The following FOXK1 variants were observed in gnomAD, a reference collection of about 807,000 sequenced individuals.
FOXK1 encodes the protein forkhead box protein K1.
A neutral mutation model predicts 51.9 loss-of-function variants in FOXK1; 19 were observed. That is an observed-to-expected ratio of 0.37 (90% CI 0.26 to 0.54). The LOEUF (loss-of-function observed/expected upper bound fraction) is 0.54, where lower values mean the gene tolerates loss of function less well. FOXK1 is among the 20% of genes least tolerant of loss of function. The pLI is 0.87. For synonymous variants in FOXK1, 537 were observed against 482.6 expected, an observed-to-expected ratio of 1.11 and a Z score of -1.48; for missense variants, 870 against 1,032.7, an observed-to-expected ratio of 0.84 and a Z score of 2.16.
chr7:4,759,557 C>T lies in FOXK1; in HGVS notation c.1658C>T (p.Ala553Val), dbSNP rs374908293. The T allele has an allele frequency of 1.1e-5, 17 of 1,540,730 alleles. No individual in the cohort carries two copies. Among genetic ancestry groups the T allele is most frequent in the East Asian group, 2.4e-5 (1 of 41,314 alleles). ...GCGGCGGGGGGCTCCCATGATGCGGCGGGCGCAGCCGTGCTGGACCTGGGC... is the reference window on the plus strand; with the variant it reads ...GCGGCGGGGGGCTCCCATGATGCGGTGGGCGCAGCCGTGCTGGACCTGGGC... ...QGAAGGSHDA[A>V]GAAVLDLGSE... Residue 553 changes from alanine (A) to valine (V), a missense_variant, in exon 7 of 9, where the codon GCG becomes GTG. Coordinates refer to ENST00000328914, the MANE Select transcript of FOXK1 (RefSeq NM_001037165.2).
In FOXK1 at chr7:4,747,411, G is replaced by T. The variant is rs1166292954; in HGVS notation, c.746+6388G>T. On this transcript the variant is annotated intron_variant, in intron 2 of 8. Transcript: ENST00000328914. This position sits in a 1 kb window ranked among gnomAD's most constrained non-coding sequence, Gnocchi z 9.2. ...TATGCCTAACATGAGAGCAGCTCCT[G>T]TTGAAGCCACCATGCTGGTTATTCT... 6.6e-6 allele frequency among the ~76,000 whole-genome samples: 1 copy of T among 152,224 alleles called. No individual in the cohort carries two copies. Among genetic ancestry groups the T allele is most frequent in the African/African-American group, 2.4e-5 (1 of 41,468 alleles).
intron 1 of FOXK1, among the ~76,000 whole-genome samples, chr7:4,739,051 CA>C (rs1780595114): frequency 6.6e-6 from 1 of 152,206 alleles, no homozygotes; most frequent in Non-Finnish European, 1.5e-5. Context: ...TGACGAAGAG[CA>C]AAGGGACTTT....
chr7:4,703,737 G>T lies in FOXK1; in HGVS notation c.560+20869G>T, dbSNP rs1583186085. Among the ~76,000 whole-genome samples, 3 of 152,314 alleles carry T rather than the reference G, an allele frequency of 2.0e-5. No individual in the cohort carries two copies. The highest frequency in any genetic ancestry group is 7.2e-5 in the African/African-American group (3 of 41,580). ...GCTCGGGCGACCAGGAGGCCCTTCA[G>T]TGCTCCGGAGGCACTTTCAGAGCAT... On this transcript the variant is annotated intron_variant, in intron 1 of 8. Coordinates refer to ENST00000328914, the MANE Select transcript of FOXK1 (RefSeq NM_001037165.2). This position sits in a 1 kb window ranked among gnomAD's most constrained non-coding sequence, Gnocchi z 5.6.
At chr7:4,744,939 T>C (rs1041192361) in intron 2 of FOXK1, among the ~76,000 whole-genome samples, 1 of 152,270 alleles carries the variant, frequency 6.6e-6, no homozygotes, top group Non-Finnish European at 1.5e-5. Context: ...TACATCCGTT[T>C]ATCTTAGCAC....
rs1381422588 is a variant in FOXK1, at chr7:4,758,285, C to G, written c.1245-766C>G. 1 of 152,282 alleles carries G rather than the reference C, an allele frequency of 6.6e-6. No homozygotes were observed. Among genetic ancestry groups the G allele is most frequent in the Non-Finnish European group, 1.5e-5 (1 of 68,084 alleles). 9.4% of individuals were successfully genotyped at this position (152,282 alleles called of 1,614,324 possible). A position where few individuals can be genotyped will look rare whatever the true frequency, so the allele number is the denominator to read the frequency against. On this transcript the variant is annotated intron_variant, in intron 5 of 8. Transcript: ENST00000328914. The surrounding 1 kb of genome is among the most constrained non-coding windows in gnomAD (Gnocchi z 4.4). ...TGCTGCCCACCTGCTGCGTCAGGGC[C>G]TCCCCTGCCCAGCTCAGTCTTGGCC...
rs148468825 is a variant in FOXK1 at position 4,728,887 on chromosome 7, G to A, written c.561-11951G>A. Among the ~76,000 whole-genome samples the A allele has an allele frequency of 3.7e-3, 562 of 152,302 alleles. 3 individuals carry two copies. Among genetic ancestry groups the A allele is most frequent in the African/African-American group, 0.013 (527 of 41,572 alleles). On this transcript the variant is annotated intron_variant, in intron 1 of 8. Transcript: ENST00000328914. Reference sequence around the variant, plus strand: ...GCAAAGTCTATGCAGATAAACCAGCGTCTGGTACTTGGTATCAGTCAGGTG... The same window carrying A: ...GCAAAGTCTATGCAGATAAACCAGCATCTGGTACTTGGTATCAGTCAGGTG...
chr7:4,724,776 C>T (rs1018853908), intron 1 of FOXK1, among the ~76,000 whole-genome samples: 1 of 152,156 alleles, frequency 6.6e-6, no homozygotes, highest in African/African-American at 2.4e-5. Context: ...ATTATGTTTC[C>T]ATTCCAGAGG....
chr7:4,751,718 G>A (rs77670404), intron 2 of FOXK1, among the ~76,000 whole-genome samples: 2,202 of 152,344 alleles, frequency 0.014, 50 homozygotes, highest in African/African-American at 0.051. Context: ...ACAAACACAT[G>A]TGGTCCCTCA....
intron 1 of FOXK1, among the ~76,000 whole-genome samples, chr7:4,689,611 C>T (rs1378492681): frequency 3.3e-5 from 5 of 152,090 alleles, no homozygotes; most frequent in Admixed American, 6.5e-5. Flanking sequence ...GTAAAACATA[C>T]GGAAGCCAGT....
rs1780539416 is a variant in FOXK1, at chr7:4,735,402, G to A, written c.561-5436G>A. ...ACAACTAACCCTTTCCATTGTTCCAGTCCGTGGTTTTCAGCGCATTCGCAG... is the reference window on the plus strand; with the variant it reads ...ACAACTAACCCTTTCCATTGTTCCAATCCGTGGTTTTCAGCGCATTCGCAG... On this transcript the variant is annotated intron_variant, in intron 1 of 8. Transcript: ENST00000328914. This position sits in a 1 kb window ranked among gnomAD's most constrained non-coding sequence, Gnocchi z 4.7. 6.6e-6 allele frequency among the ~76,000 whole-genome samples: 1 copy of A among 152,162 alleles called. No homozygotes were observed. The highest frequency in any genetic ancestry group is 2.4e-5 in the African/African-American group (1 of 41,430).
intron 1 of FOXK1, among the ~76,000 whole-genome samples, chr7:4,701,930 C>A (rs1308712217): frequency 6.6e-6 from 1 of 152,000 alleles, no homozygotes; most frequent in Non-Finnish European, 1.5e-5. Flanking sequence ...AAAAAATTAT[C>A]TGGGCATGGT....
At position 4,767,924 on chromosome 7, in the gene FOXK1, C is replaced by G. The variant is rs1343449419; in HGVS notation, c.*5460C>G. The stretch of plus-strand genomic sequence containing the variant: ...CTCGAGAAGGGGGCCCTTACCCACA[C>G]CGTGCGGCTTGAATTCTGTCGGAGT... On this transcript the variant is annotated 3_prime_UTR_variant, in exon 9 of 9. Coordinates refer to ENST00000328914, the MANE Select transcript of FOXK1 (RefSeq NM_001037165.2). This position sits in a 1 kb window ranked among gnomAD's most constrained non-coding sequence, Gnocchi z 6.6. 1 of 151,992 alleles carries G rather than the reference C, an allele frequency of 6.6e-6. No homozygotes were observed. Among genetic ancestry groups the G allele is most frequent in the Non-Finnish European group, 1.5e-5 (1 of 68,040 alleles). 9.4% of individuals were successfully genotyped at this position (151,992 alleles called of 1,614,324 possible). A position where few individuals can be genotyped will look rare whatever the true frequency, so the allele number is the denominator to read the frequency against.
At chr7:4,710,826 C>T (rs1289586679) in intron 1 of FOXK1, among the ~76,000 whole-genome samples, 1 of 152,112 alleles carries the variant, frequency 6.6e-6, no homozygotes. Flanking sequence ...GCCACCAGTT[C>T]CCACCACTGA....
Position 4,682,501 on chromosome 7 carries a change from A to T in FOXK1, c.193A>T (p.Ile65Phe). 1 of 1,037,152 alleles carries T rather than the reference A, an allele frequency of 9.6e-7. No individual in the cohort carries two copies. Among genetic ancestry groups the T allele is most frequent in the Non-Finnish European group, 1.2e-6 (1 of 865,912 alleles). The allele number at this position is 1,037,152 out of a possible 1,614,324, so 64.2% of individuals were successfully genotyped here. ...PPPPPLPPGAIAGAGSSGGSS... is the reference protein window; with the variant it reads ...PPPPPLPPGAFAGAGSSGGSS... ...GCCACCGCCGCTGCCTCCGGGCGCG[A>T]TCGCGGGCGCGGGCTCCTCCGGGGG... The change falls in exon 1 of 9, where the codon ATC (isoleucine) becomes TTC (phenylalanine). Residue 65 changes from isoleucine (I) to phenylalanine (F), a missense_variant. This residue lies in a region of FOXK1 where 399 missense variants were observed against 475.6 expected (regional missense o/e 0.84). Coordinates refer to ENST00000328914, the MANE Select transcript of FOXK1 (RefSeq NM_001037165.2). The surrounding 1 kb of genome is among the most constrained non-coding windows in gnomAD (Gnocchi z 7.6).
rs768925063 is a variant in FOXK1 at position 4,762,461 on chromosome 7, G to A, written c.2199G>A (p.Glu733=). 1.3e-6 allele frequency: 2 copies of A among 1,541,294 alleles called. No individual in the cohort carries two copies. Among genetic ancestry groups the A allele is most frequent in the East Asian group, 2.5e-5 (1 of 40,712 alleles). Residue 733 remains glutamate (E), a synonymous_variant, in exon 9 of 9, where the codon GAG becomes GAA. Transcript: ENST00000328914. The surrounding 1 kb of genome is among the most constrained non-coding windows in gnomAD (Gnocchi z 5.7). ...GCCCCCAGGGGCCAGGCACCGGGGA[G>A]TGAGGTCACCTGCAACGCGGGGGAG... ...AAGPQGPGTG[E] is the part of the protein sequence containing the mutation.
In FOXK1 at chr7:4,748,843, T is replaced by C. The variant is rs958726680; in HGVS notation, c.747-5616T>C. On this transcript the variant is annotated intron_variant, in intron 2 of 8. Coordinates refer to ENST00000328914, the MANE Select transcript of FOXK1 (RefSeq NM_001037165.2). The surrounding 1 kb of genome is among the most constrained non-coding windows in gnomAD (Gnocchi z 4.9). ...ACAGGTGTGCACCACCATGCCCGGCTAATTTTTGTATTTTTTGTAGAGGTG... is the reference window on the plus strand; with the variant it reads ...ACAGGTGTGCACCACCATGCCCGGCCAATTTTTGTATTTTTTGTAGAGGTG... 6.6e-6 allele frequency among the ~76,000 whole-genome samples: 1 copy of C among 152,136 alleles called. No homozygotes were observed. The highest frequency in any genetic ancestry group is 1.5e-5 in the Non-Finnish European group (1 of 68,022).
chr7:4,706,216 A>G (rs1206761575), intron 1 of FOXK1, among the ~76,000 whole-genome samples: 1 of 152,074 alleles, frequency 6.6e-6, no homozygotes, highest in East Asian at 1.9e-4. Flanking sequence ...AGAGATCTAT[A>G]GCAGGGACTT....
intron 1 of FOXK1, among the ~76,000 whole-genome samples, chr7:4,716,613 G>A (rs1326517770): frequency 3.3e-5 from 5 of 152,202 alleles, no homozygotes; most frequent in African/African-American, 4.8e-5. Context: ...CTGTGGCCAC[G>A]GGCAGGGCCA....
rs1198291659 is a variant in FOXK1, at chr7:4,762,241, T to C, written c.1979T>C (p.Val660Ala). ...CAAGCGAGTTCATCCGCGCCGGTGG[T>C]GGTCACCCGGGTGTGCGAGGTGGGG... ...ATQASSSAPV[V>A]VTRVCEVGPK... Residue 660 changes from valine to alanine, a missense_variant, in exon 9 of 9, where the codon GTG (valine) becomes GCG (alanine). Coordinates refer to ENST00000328914, the MANE Select transcript of FOXK1 (RefSeq NM_001037165.2). The surrounding 1 kb of genome is among the most constrained non-coding windows in gnomAD (Gnocchi z 5.7). 1 of 1,553,352 alleles carries C rather than the reference T, an allele frequency of 6.4e-7. No homozygotes were observed. The highest frequency in any genetic ancestry group is 1.4e-5 in the African/African-American group (1 of 73,190).
Sources: gnomAD v4.1 joint callset for allele counts (sites outside exome capture counted in the v4.1 genomes callset) on GRCh38, gnomAD v4.1.1 for gene constraint, gnomAD v4.1.1 regional missense constraint, Gnocchi (gnomAD v3.1) non-coding constraint, MANE v1.5 for transcripts, NCBI Gene and HGNC (gene_info 2026-07-23, HGNC 2026-07-21) for gene names.